GABRB1: variants seen among roughly 807,000 people sequenced by gnomAD.
The protein encoded by GABRB1 is gamma-aminobutyric acid type A receptor subunit beta1, also known as gamma-aminobutyric acid receptor subunit beta-1.
A neutral mutation model predicts 51.6 loss-of-function variants in GABRB1; 17 were observed. The ratio of observed to expected loss-of-function variants is 0.33; its 90% CI spans 0.23 to 0.49. The LOEUF is 0.49. Ranked by LOEUF, GABRB1 falls within the 20% of genes least tolerant of loss-of-function variation. GABRB1 has a pLI of 0.99. For synonymous variants in GABRB1, 247 were observed against 218.9 expected (o/e 1.13, Z -1.14); for missense variants, 410 against 600.6 (o/e 0.68, Z 3.32).
chr4:47,056,361 T>C (rs1204017066), intron 3 of GABRB1, among the ~76,000 whole-genome samples: 1 of 152,208 alleles, frequency 6.6e-6, no homozygotes, highest in Non-Finnish European at 1.5e-5. Context: ...TTTGTTTCAC[T>C]CTTGAGTTTG....
At chr4:47,077,746 C>T (rs1223924159) in intron 3 of GABRB1, among the ~76,000 whole-genome samples, 1 of 149,416 alleles carries the variant, frequency 6.7e-6, no homozygotes, top group Non-Finnish European at 1.5e-5. Flanking sequence ...ATTAGCTTAT[C>T]AGAGACCTGC....
At chr4:47,354,225 C>G (rs190581643) in intron 5 of GABRB1, among the ~76,000 whole-genome samples, 1 of 152,230 alleles carries the variant, frequency 6.6e-6, no homozygotes, top group South Asian at 2.1e-4. Context: ...CCATTCATGA[C>G]CAGTTGGTGA....
intron 4 of GABRB1, among the ~76,000 whole-genome samples, chr4:47,191,711 T>A (rs1286138207): frequency 2.6e-5 from 4 of 151,964 alleles, no homozygotes; most frequent in African/African-American, 9.7e-5. Context: ...GAAAAAAAAA[T>A]TAGGAAAGAA....
chr4:47,013,610 G>C (rs147389166), intron 1 of GABRB1, among the ~76,000 whole-genome samples: 7 of 152,112 alleles, frequency 4.6e-5, no homozygotes, highest in Admixed American at 2.6e-4. Flanking sequence ...AGATATTTTC[G>C]TGTGTGCAGT....
chr4:47,262,380 A>G (rs1364109376), intron 4 of GABRB1, among the ~76,000 whole-genome samples: 5 of 152,196 alleles, frequency 3.3e-5, no homozygotes, highest in Non-Finnish European at 5.9e-5. Context: ...AAAAGTGGGC[A>G]AAGGATATGA....
rs114049187 is a variant in GABRB1 at position 47,274,547 on chromosome 4, C to T, written c.462-45580C>T. ...GACTGTTCCAGATATTCCATGTTGCCTAGATAGGGGTCTCTTCTCTCCCCA... is the reference window on the plus strand; with the variant it reads ...GACTGTTCCAGATATTCCATGTTGCTTAGATAGGGGTCTCTTCTCTCCCCA... On this transcript the variant is annotated intron_variant, in intron 4 of 8. Transcript: ENST00000295454. 4.2e-3 allele frequency among the ~76,000 whole-genome samples: 644 copies of T among 152,050 alleles called. 6 individuals are homozygous for T. Among genetic ancestry groups the T allele is most frequent in the African/African-American group, 0.014 (566 of 41,370 alleles).
intron 5 of GABRB1, among the ~76,000 whole-genome samples, chr4:47,358,892 C>T (rs990675060): frequency 1.3e-5 from 2 of 152,060 alleles, no homozygotes; most frequent in Non-Finnish European, 2.9e-5. Context: ...TGGGGACCCC[C>T]GGTGTTTTTC....
chr4:47,258,639 G>A (rs1387520026), intron 4 of GABRB1, among the ~76,000 whole-genome samples: 1 of 152,074 alleles, frequency 6.6e-6, no homozygotes. Flanking sequence ...GAATTCAAAA[G>A]AATGACAATG....
Position 47,425,773 on chromosome 4 carries a change from A to G in GABRB1, c.1180A>G (p.Met394Val). 6.2e-7 allele frequency: 1 copy of G among 1,614,202 alleles called. No homozygotes were observed. Among genetic ancestry groups the G allele is most frequent in the Non-Finnish European group, 8.5e-7 (1 of 1,180,024 alleles). ...LTSVSDPKATMYSYDSASIQY... is the reference protein window; with the variant it reads ...LTSVSDPKATVYSYDSASIQY... The stretch of plus-strand genomic sequence containing the variant: ...GAGCGTGAGCGACCCCAAGGCCACC[A>G]TGTACTCCTATGACAGCGCCAGCAT... Residue 394 changes from methionine to valine, a missense_variant, in exon 9 of 9, where the codon ATG becomes GTG. By Grantham distance (21) the Met-to-Val change is conservative. Around this residue, in one of 5 missense-constraint regions of GABRB1, gnomAD observed 181 missense variants for 195.6 expected, o/e 0.93. Transcript: ENST00000295454.
chr4:47,099,229 G>A (rs2032319474), intron 3 of GABRB1, among the ~76,000 whole-genome samples: 2 of 152,052 alleles, frequency 1.3e-5, no homozygotes, highest in Non-Finnish European at 2.9e-5. Context: ...ACATCAAGAC[G>A]GCAAAGAGTC....
At position 47,191,263 on chromosome 4, in the gene GABRB1, CT is replaced by C. The variant is rs531729523; in HGVS notation, c.461+29801del. Among the ~76,000 whole-genome samples the C allele has an allele frequency of 2.8e-3, 425 of 152,190 alleles. 3 individuals carry two copies. The highest frequency in any genetic ancestry group is 9.2e-3 in the African/African-American group (382 of 41,552). ...TGTAACTCCTTTGTGCCTCAAGATC[CT>C]TTTTTTCTGTTCCTTTTCAGGGATG... is the stretch of plus-strand genomic sequence containing the variant. On this transcript the variant is annotated intron_variant, in intron 4 of 8. Transcript: ENST00000295454.
intron 1 of GABRB1, among the ~76,000 whole-genome samples, chr4:47,013,074 T>C (rs550241715): frequency 6.6e-6 from 1 of 152,132 alleles, no homozygotes; most frequent in Non-Finnish European, 1.5e-5. Flanking sequence ...TTCACTACTA[T>C]AAATTAGAGT....
chr4:47,142,016 C>G (rs1432507593), intron 3 of GABRB1, among the ~76,000 whole-genome samples: 1 of 151,876 alleles, frequency 6.6e-6, no homozygotes, highest in Non-Finnish European at 1.5e-5. Context: ...TAGGAAGCAT[C>G]AGTGAATAAA....
At chr4:47,164,529 A>G (rs1219672829) in intron 4 of GABRB1, among the ~76,000 whole-genome samples, 1 of 152,078 alleles carries the variant, frequency 6.6e-6, no homozygotes, top group African/African-American at 2.4e-5. Context: ...GTCATCATGA[A>G]CGGGTCCATA....
At position 47,232,692 on chromosome 4, in the gene GABRB1, A is replaced by G. The variant is rs570328276; in HGVS notation, c.461+71223A>G. On this transcript the variant is annotated intron_variant, in intron 4 of 8. Coordinates refer to ENST00000295454, the MANE Select transcript of GABRB1 (RefSeq NM_000812.4). ...ATCCATTTCTGTGCATGCTGTTAGT[A>G]TCCACATCAATTCTGCCTTTCAGAT... Among the ~76,000 whole-genome samples the G allele has an allele frequency of 2.0e-5, 3 of 152,284 alleles. No individual in the cohort carries two copies. The South Asian group carries it at 6.2e-4, about 32-fold the overall frequency.
chr4:47,032,607 A>C (rs1577841806), intron 3 of GABRB1, 123 bp downstream of exon 3: 1 of 899,924 alleles, frequency 1.1e-6, no homozygotes, highest in Non-Finnish European at 1.9e-6. Flanking sequence ...CCCACTCCGC[A>C]CCCGCTCCCC....
At chr4:46,999,881 G>T (rs375513794) in intron 1 of GABRB1, among the ~76,000 whole-genome samples, 1 of 152,148 alleles carries the variant, frequency 6.6e-6, no homozygotes, top group African/African-American at 2.4e-5. Context: ...GACCCATGAG[G>T]AGGCATGAAG....
intron 5 of GABRB1, among the ~76,000 whole-genome samples, chr4:47,322,114 A>G (rs914338338): frequency 6.6e-6 from 1 of 152,196 alleles, no homozygotes; most frequent in Non-Finnish European, 1.5e-5. Flanking sequence ...ATTAAATGTA[A>G]CTTTTGTGGG....
At chr4:47,424,340 A>T (rs1345634788) in intron 8 of GABRB1, among the ~76,000 whole-genome samples, 1 of 152,206 alleles carries the variant, frequency 6.6e-6, no homozygotes, top group Non-Finnish European at 1.5e-5. Context: ...CCTTATCTAT[A>T]AAATGGGGAT....
Sources: gnomAD v4.1 joint callset for allele counts (sites outside exome capture counted in the v4.1 genomes callset) on GRCh38, gnomAD v4.1.1 for gene constraint, gnomAD v4.1.1 regional missense constraint, MANE v1.5 for transcripts, NCBI Gene and HGNC (gene_info 2026-07-23, HGNC 2026-07-21) for gene names.